CACNA2D3: variants seen among roughly 807,000 people sequenced by gnomAD.
CACNA2D3 encodes voltage-dependent calcium channel subunit alpha-2/delta-3.
CACNA2D3 carries 60 observed loss-of-function variants against 160.6 expected under a neutral mutation model. The ratio of observed to expected loss-of-function variants is 0.37; its 90% CI spans 0.30 to 0.46. The LOEUF (loss-of-function observed/expected upper bound fraction) is 0.46, where lower values mean the gene tolerates loss of function less well. Among genes scored for constraint, CACNA2D3 ranks in the 20% least tolerant of loss-of-function variants. The pLI is 1.00. For synonymous variants in CACNA2D3, 558 were observed against 492.9 expected (o/e 1.13, Z -1.75); for missense variants, 1,205 against 1,365.0 (o/e 0.88, Z 1.85).
At chr3:54,368,804 C>G (rs915349332) in intron 3 of CACNA2D3, among the ~76,000 whole-genome samples, 1 of 149,112 alleles carries the variant, frequency 6.7e-6, no homozygotes, top group African/African-American at 2.5e-5. Context: ...TGGGTTCACG[C>G]CATTCTCCTG....
intron 4 of CACNA2D3, among the ~76,000 whole-genome samples, chr3:54,487,555 A>G (rs1701034699): frequency 6.6e-6 from 1 of 152,224 alleles, no homozygotes; most frequent in African/African-American, 2.4e-5. Context: ...TTCAAATCAT[A>G]TTCGAGGGTC....
intron 9 of CACNA2D3, among the ~76,000 whole-genome samples, chr3:54,615,122 G>A (rs1021651262): frequency 2.6e-5 from 4 of 152,096 alleles, no homozygotes; most frequent in African/African-American, 7.2e-5. Flanking sequence ...GCACTTCTTC[G>A]CAGAAATTGG....
chr3:54,493,472 C>T (rs987148376), intron 4 of CACNA2D3, among the ~76,000 whole-genome samples: 12 of 152,136 alleles, frequency 7.9e-5, no homozygotes, highest in Admixed American at 5.2e-4. Flanking sequence ...TATTCAGGAC[C>T]TTCTCTGCCC....
rs1178567309 is a variant in CACNA2D3, at chr3:54,807,655, CAG to C, written c.1381-9197_1381-9196del. Among the ~76,000 whole-genome samples the C allele has an allele frequency of 1.4e-4, 21 of 151,754 alleles. No homozygotes were observed. The South Asian group carries it at 4.4e-3, about 32-fold the overall frequency. On this transcript the variant is annotated intron_variant, in intron 13 of 37. Transcript: ENST00000474759. ...TGTGGAAGTCAGTGTGGCGATTCCT[CAG>C]GGATCTAGAACTAGAAATACCATTT...
chr3:54,122,757 C>T lies in CACNA2D3; in HGVS notation c.44C>T (p.Ser15Leu), dbSNP rs1699499705. 1 of 1,223,164 alleles carries T rather than the reference C, an allele frequency of 8.2e-7. No homozygotes were observed. The highest frequency in any genetic ancestry group is 1.0e-6 in the Non-Finnish European group (1 of 979,808). The allele number at this position is 1,223,164 out of a possible 1,614,324, so 75.8% of individuals were successfully genotyped here. Residue 15 changes from serine (S) to leucine (L), a missense_variant, in exon 1 of 38, where the codon TCG (serine) becomes TTG (leucine). Transcript: ENST00000474759. ...CCGCGCCGCGCGTCCCGGGGGGCCT[C>T]GGCGCTTCTCGCTGCCGCGCTTCTC... ...GSPRRASRGASALLAAALLYA... is the reference protein window; with the variant it reads ...GSPRRASRGALALLAAALLYA...
intron 4 of CACNA2D3, among the ~76,000 whole-genome samples, chr3:54,423,594 A>G (rs188556639): frequency 1.2e-4 from 19 of 152,310 alleles, no homozygotes; most frequent in Admixed American, 2.0e-4. Context: ...GTGATCAGTT[A>G]TCATCATCTG....
chr3:54,276,406 TA>T (rs894940566), intron 2 of CACNA2D3, among the ~76,000 whole-genome samples: 1 of 151,594 alleles, frequency 6.6e-6, no homozygotes, highest in African/African-American at 2.4e-5. Context: ...CTGTCTCTAC[TA>T]AAAAAAACCA....
intron 4 of CACNA2D3, among the ~76,000 whole-genome samples, chr3:54,445,502 G>T (rs139693586): frequency 5.3e-5 from 8 of 149,720 alleles, no homozygotes; most frequent in Non-Finnish European, 7.4e-5. Flanking sequence ...ATTTGTTTTT[G>T]TACATATATA....
intron 11 of CACNA2D3, among the ~76,000 whole-genome samples, chr3:54,661,921 A>G (rs1371680438): frequency 6.6e-6 from 1 of 150,946 alleles, no homozygotes; most frequent in African/African-American, 2.5e-5. Flanking sequence ...CTTCAGTGAA[A>G]TATCCCCCCT....
chr3:54,763,825 GTATATATATGTA>G (rs1702155448), intron 12 of CACNA2D3, among the ~76,000 whole-genome samples: 1 of 58,314 alleles, frequency 1.7e-5, no homozygotes, highest in African/African-American at 7.0e-5. Flanking sequence ...ATATATATAC[GTATATATATGTA>G]TATATATGTA....
chr3:54,491,949 C>T (rs774168146), intron 4 of CACNA2D3, among the ~76,000 whole-genome samples: 1 of 152,178 alleles, frequency 6.6e-6, no homozygotes, highest in Non-Finnish European at 1.5e-5. Context: ...TGGAAACTTT[C>T]TCAACACGCA....
intron 11 of CACNA2D3, among the ~76,000 whole-genome samples, chr3:54,716,250 C>T (rs1481772037): frequency 6.6e-6 from 1 of 152,112 alleles, no homozygotes; most frequent in Non-Finnish European, 1.5e-5. Flanking sequence ...GTAAACAGAT[C>T]TCAAACAGTT....
At chr3:54,461,222 T>A (rs1400453140) in intron 4 of CACNA2D3, among the ~76,000 whole-genome samples, 2 of 151,988 alleles carry the variant, frequency 1.3e-5, no homozygotes, top group Non-Finnish European at 1.5e-5. Flanking sequence ...ATCAAGGATA[T>A]TGGTCTAAAA....
At chr3:54,798,881 A>G (rs1183248439) in intron 13 of CACNA2D3, among the ~76,000 whole-genome samples, 1 of 152,176 alleles carries the variant, frequency 6.6e-6, no homozygotes, top group African/African-American at 2.4e-5. Context: ...TTCACCCCAG[A>G]CCTGAGCCTT....
At chr3:54,124,968 T>G (rs1164320718) in intron 2 of CACNA2D3, among the ~76,000 whole-genome samples, 2 of 152,350 alleles carry the variant, frequency 1.3e-5, no homozygotes, top group African/African-American at 2.4e-5. Context: ...TCTGGACCAA[T>G]CTGTCTCCTG....
chr3:54,193,074 T>C (rs1197545592), intron 2 of CACNA2D3, among the ~76,000 whole-genome samples: 1 of 152,338 alleles, frequency 6.6e-6, no homozygotes, highest in South Asian at 2.1e-4. Flanking sequence ...ATGATTCACA[T>C]TTAATCCTCA....
At chr3:54,384,262 G>A (rs1229460065) in intron 3 of CACNA2D3, among the ~76,000 whole-genome samples, 1 of 151,978 alleles carries the variant, frequency 6.6e-6, no homozygotes, top group African/African-American at 2.4e-5. Context: ...TTTTTTATGT[G>A]TTGCAGTAAA....
intron 2 of CACNA2D3, among the ~76,000 whole-genome samples, chr3:54,219,647 C>G (rs1701528734): frequency 6.6e-6 from 1 of 152,076 alleles, no homozygotes; most frequent in Non-Finnish European, 1.5e-5. Flanking sequence ...TATGTACTGG[C>G]TTTCAGCAGG....
chr3:54,991,923 C>CTT (rs1327328451), intron 31 of CACNA2D3, among the ~76,000 whole-genome samples: 1 of 148,374 alleles, frequency 6.7e-6, no homozygotes, highest in Non-Finnish European at 1.5e-5. Flanking sequence ...TGTCTGAGTT[C>CTT]TTCTTATTTT....
Sources: allele counts gnomAD v4.1 joint callset (sites outside exome capture counted in the v4.1 genomes callset), GRCh38; gene constraint gnomAD v4.1.1; transcripts MANE v1.5; gene names NCBI Gene and HGNC (gene_info 2026-07-23, HGNC 2026-07-21).